LDLRAD4: variants seen among roughly 807,000 people sequenced by gnomAD.
LDLRAD4 encodes the protein low density lipoprotein receptor class A domain containing 4.
A neutral mutation model predicts 17.0 loss-of-function variants in LDLRAD4; 5 were observed. The observed-to-expected ratio is 0.29, with a 90% CI of 0.15 to 0.62. LDLRAD4 has a LOEUF of 0.62. Ranked by LOEUF, LDLRAD4 falls within the 20% of genes least tolerant of loss-of-function variation. The probability of loss-of-function intolerance (pLI) is 0.84; values close to 1 mark genes in which losing one functional copy is unlikely to be tolerated. For missense variants in LDLRAD4, 340 were observed against 424.7 expected, an observed-to-expected ratio of 0.80 and a Z score of 1.75; for synonymous variants, 168 against 171.8, an observed-to-expected ratio of 0.98 and a Z score of 0.17.
At chr18:13,481,557 G>C (rs1189567182) in intron 3 of LDLRAD4, among the ~76,000 whole-genome samples, 4 of 152,168 alleles carry the variant, frequency 2.6e-5, no homozygotes, top group Non-Finnish European at 4.4e-5. Flanking sequence ...CCAAGACTGG[G>C]CCCCTGTTGT....
chr18:13,621,356 T>G lies in LDLRAD4; in HGVS notation c.336+85T>G. Reference sequence around the variant, plus strand: ...ATCAGGGTTCAGAGGCCGGGAGTGCTTTCAGTTGACATGTAACAAACGGGG... The same window carrying G: ...ATCAGGGTTCAGAGGCCGGGAGTGCGTTCAGTTGACATGTAACAAACGGGG... On this transcript the variant is annotated intron_variant, in intron 4 of 5. Coordinates refer to ENST00000359446, the Ensembl canonical transcript of LDLRAD4. This position sits in a 1 kb window ranked among gnomAD's most constrained non-coding sequence, Gnocchi z 5.5. 2.8e-6 allele frequency: 3 copies of G among 1,076,314 alleles called. No individual in the cohort carries two copies. Among genetic ancestry groups the G allele is most frequent in the Non-Finnish European group, 4.2e-6 (3 of 716,808 alleles). The allele number at this position is 1,076,314 out of a possible 1,614,324, so 66.7% of individuals were successfully genotyped here.
intron 3 of LDLRAD4, among the ~76,000 whole-genome samples, chr18:13,588,347 CT>C (rs2094962577): frequency 6.6e-6 from 1 of 152,060 alleles, no homozygotes; most frequent in South Asian, 2.1e-4. Context: ...GGGAGTGATA[CT>C]TTTTTACACA....
At position 13,573,262 on chromosome 18, in the gene LDLRAD4, G is replaced by A. The variant is rs535705347; in HGVS notation, c.182-47855G>A. Among the ~76,000 whole-genome samples the A allele has an allele frequency of 5.9e-5, 9 of 151,818 alleles. No individual in the cohort carries two copies. In the South Asian group the frequency reaches 1.2e-3, roughly 21 times the overall value. ...TGGGATTACAGGTACCCACCACCAC[G>A]CCCCACTAATTTTTGTATTTTTAGT... On this transcript the variant is annotated intron_variant, in intron 3 of 5. Coordinates refer to ENST00000359446, the Ensembl canonical transcript of LDLRAD4.
chr18:13,605,369 C>T (rs2095212749), intron 3 of LDLRAD4, among the ~76,000 whole-genome samples: 1 of 152,202 alleles, frequency 6.6e-6, no homozygotes, highest in African/African-American at 2.4e-5. Flanking sequence ...AGGCCTATGC[C>T]ACCACACCTG....
exon 6 of LDLRAD4, chr18:13,649,078 G>C (rs1301438378): frequency 6.6e-6 from 1 of 152,188 alleles, no homozygotes; most frequent in African/African-American, 2.4e-5. Flanking sequence ...TCCCAAGAGA[G>C]CAGAAGCGAA....
intron 3 of LDLRAD4, among the ~76,000 whole-genome samples, chr18:13,480,786 G>C (rs1050671720): frequency 1.3e-5 from 2 of 152,188 alleles, no homozygotes; most frequent in African/African-American, 4.8e-5. Flanking sequence ...TGCTTTTAAA[G>C]TTAGATTTGG....
At chr18:13,486,873 G>C (rs969835758) in intron 3 of LDLRAD4, 1 of 152,090 alleles carries the variant, frequency 6.6e-6, no homozygotes, top group Non-Finnish European at 1.5e-5. Context: ...TGGAAGTGTC[G>C]GGGTGGAATC....
intron 3 of LDLRAD4, among the ~76,000 whole-genome samples, chr18:13,610,689 C>A (rs985924378): frequency 2.6e-5 from 4 of 152,152 alleles, no homozygotes; most frequent in Non-Finnish European, 4.4e-5. Context: ...TGAGCCTGAC[C>A]AGGAAGTGCT....
chr18:13,463,306 C>T (rs2092501253), intron 3 of LDLRAD4, among the ~76,000 whole-genome samples: 1 of 152,170 alleles, frequency 6.6e-6, no homozygotes, highest in Non-Finnish European at 1.5e-5. Context: ...CTTTTGGAGG[C>T]CATGCTGCCT....
intron 3 of LDLRAD4, among the ~76,000 whole-genome samples, chr18:13,608,361 C>T (rs902100506): frequency 4.6e-5 from 7 of 150,646 alleles, no homozygotes; most frequent in South Asian, 2.1e-4. Flanking sequence ...GGGGAGGCAG[C>T]GGGGCATACC....
rs559049444 is a variant in LDLRAD4 at position 13,612,662 on chromosome 18, G to C, written c.182-8455G>C. 22 of 1,613,544 alleles carry C rather than the reference G, an allele frequency of 1.4e-5. No individual in the cohort carries two copies. The African/African-American group carries it at 2.9e-4, about 22-fold the overall frequency. On this transcript the variant is annotated intron_variant, in intron 3 of 5. Transcript: ENST00000359446. ...CTGAAGGGATGCTTTGAACGTGGGG[G>C]GGCTGCGTCACAGTTGGACTCCCAC...
chr18:13,588,033 C>T (rs1014169420), intron 3 of LDLRAD4, among the ~76,000 whole-genome samples: 6 of 152,270 alleles, frequency 3.9e-5, no homozygotes, highest in Admixed American at 3.9e-4. Context: ...ATGAGTCGCA[C>T]CATTTTCTTG....
intron 3 of LDLRAD4, among the ~76,000 whole-genome samples, chr18:13,519,061 TA>T (rs1043912003): frequency 1.3e-5 from 2 of 152,230 alleles, no homozygotes; most frequent in Non-Finnish European, 2.9e-5. Context: ...AAGAGTGCAT[TA>T]AAATGGAAGC....
chr18:13,313,053 C>A (rs558164679), intron 1 of LDLRAD4, among the ~76,000 whole-genome samples: 1 of 152,096 alleles, frequency 6.6e-6, no homozygotes, highest in African/African-American at 2.4e-5. Context: ...GGCTGCTGTG[C>A]GTGCTGTGTG....
intron 3 of LDLRAD4, among the ~76,000 whole-genome samples, chr18:13,493,983 C>T (rs1161765928): frequency 6.6e-6 from 1 of 152,240 alleles, no homozygotes; most frequent in Non-Finnish European, 1.5e-5. Context: ...CATGGTGACG[C>T]GGTGCCGCAA....
At chr18:13,325,632 C>G (rs2007460) in intron 1 of LDLRAD4, among the ~76,000 whole-genome samples, 1 of 152,250 alleles carries the variant, frequency 6.6e-6, no homozygotes, top group South Asian at 2.1e-4. Context: ...GCTGAAGGCC[C>G]TTTCCAGGCC....
At chr18:13,559,018 G>A (rs757631108) in intron 3 of LDLRAD4, among the ~76,000 whole-genome samples, 3 of 152,132 alleles carry the variant, frequency 2.0e-5, no homozygotes, top group Admixed American at 6.5e-5. Flanking sequence ...GTCACTAGAC[G>A]TGCCACCGGC....
chr18:13,255,018 G>T (rs1270936836), intron 1 of LDLRAD4, among the ~76,000 whole-genome samples: 1 of 152,210 alleles, frequency 6.6e-6, no homozygotes, highest in Non-Finnish European at 1.5e-5. Flanking sequence ...AGGGCAGCAA[G>T]ACTAAAACAG....
chr18:13,323,211 A>G (rs752185246), intron 1 of LDLRAD4, among the ~76,000 whole-genome samples: 1 of 152,236 alleles, frequency 6.6e-6, no homozygotes, highest in Non-Finnish European at 1.5e-5. Flanking sequence ...ACTTTTCTGC[A>G]TACATTTCTT....
Sources: gnomAD v4.1 joint callset for allele counts (sites outside exome capture counted in the v4.1 genomes callset) on GRCh38, gnomAD v4.1.1 for gene constraint, Gnocchi (gnomAD v3.1) non-coding constraint, MANE v1.5 for transcripts, NCBI Gene and HGNC (gene_info 2026-07-23, HGNC 2026-07-21) for gene names.